Variants in PRKN observed in about 807,000 individuals in gnomAD.
PRKN encodes parkin RBR E3 ubiquitin protein ligase.
Under a neutral mutation model 59.5 loss-of-function variants are expected in PRKN, and 56 were observed. The ratio of observed to expected loss-of-function variants is 0.94; its 90% CI spans 0.76 to 1.18. The LOEUF (loss-of-function observed/expected upper bound fraction) is 1.18, where lower values mean the gene tolerates loss of function less well. PRKN is among the 50% of genes most tolerant of loss of function. The pLI is 0.00. For missense variants in PRKN, 657 were observed against 596.4 expected, an observed-to-expected ratio of 1.10 and a Z score of -1.06; for synonymous variants, 250 against 222.1, an observed-to-expected ratio of 1.13 and a Z score of -1.12.
chr6:162,675,631 TAG>T (rs1045134259), intron 1 of PRKN, among the ~76,000 whole-genome samples: 1 of 152,092 alleles, frequency 6.6e-6, no homozygotes, highest in African/African-American at 2.4e-5. Flanking sequence ...CACTAAAAGA[TAG>T]AGAGAAACAC....
At chr6:161,906,913 C>T (rs1336747191) in intron 6 of PRKN, among the ~76,000 whole-genome samples, 2 of 151,982 alleles carry the variant, frequency 1.3e-5, no homozygotes, top group Non-Finnish European at 2.9e-5. Context: ...AGTCCATCCA[C>T]GCTCTTCTGC....
rs543327582 is a variant in PRKN at position 161,618,511 on chromosome 6, A to C, written c.872-49095T>G. Reference sequence around the variant, plus strand: ...TTCTTTTTCCAGAAAAATACCAAAAAATTAAACTAAAGGTTTATTCTCAGT... The same window carrying C: ...TTCTTTTTCCAGAAAAATACCAAAACATTAAACTAAAGGTTTATTCTCAGT... On this transcript the variant is annotated intron_variant, in intron 7 of 11. Transcript: ENST00000366898. Among the ~76,000 whole-genome samples the C allele has an allele frequency of 1.2e-4, 18 of 152,290 alleles. No individual in the cohort carries two copies. The South Asian group carries it at 1.7e-3, about 14-fold the overall frequency.
At chr6:161,368,262 A>G (rs1785288976) in intron 10 of PRKN, among the ~76,000 whole-genome samples, 1 of 95,708 alleles carries the variant, frequency 1.0e-5, no homozygotes, top group Non-Finnish European at 2.4e-5. Context: ...AAAAATACAT[A>G]TAATATTTAT....
intron 9 of PRKN, among the ~76,000 whole-genome samples, chr6:161,535,438 A>G (rs1384553107): frequency 2.0e-5 from 3 of 152,190 alleles, no homozygotes; most frequent in African/African-American, 4.8e-5. Flanking sequence ...ACTGCACACA[A>G]GTGAATGGTA....
chr6:161,366,818 G>A (rs1413439565), intron 10 of PRKN, among the ~76,000 whole-genome samples: 2 of 152,030 alleles, frequency 1.3e-5, no homozygotes, highest in East Asian at 3.9e-4. Context: ...TTCCCTTTTT[G>A]TCTATAAATT....
At position 161,475,870 on chromosome 6, in the gene PRKN, T is replaced by C. The variant is rs1791040666; in HGVS notation, c.1083+72984A>G. ...TAACTGCATTTTCCTTTCAATCTTA[T>C]ATATTTTATATATTTAAAAATATTA... On this transcript the variant is annotated intron_variant, in intron 9 of 11. Transcript: ENST00000366898. The surrounding 1 kb of genome is among the most constrained non-coding windows in gnomAD (Gnocchi z 5.3). 6.6e-6 allele frequency among the ~76,000 whole-genome samples: 1 copy of C among 152,000 alleles called. No homozygotes were observed. The highest frequency in any genetic ancestry group is 1.5e-5 in the Non-Finnish European group (1 of 68,018).
At chr6:162,151,397 C>T (rs1005582814) in intron 4 of PRKN, among the ~76,000 whole-genome samples, 1 of 152,178 alleles carries the variant, frequency 6.6e-6, no homozygotes, top group Non-Finnish European at 1.5e-5. Flanking sequence ...AAACATATGC[C>T]AGTCTCTTTC....
In PRKN at chr6:161,409,434, T is replaced by A. The variant is rs1487108973; in HGVS notation, c.1084-22557A>T. Among the ~76,000 whole-genome samples the A allele has an allele frequency of 6.6e-6, 1 of 152,162 alleles. No homozygotes were observed. The highest frequency in any genetic ancestry group is 1.5e-5 in the Non-Finnish European group (1 of 68,038). Reference sequence around the variant, plus strand: ...TACCAAATGGCACACAAAAACGCAGTGTGCTGACACTAATACATAAAATGC... The same window carrying A: ...TACCAAATGGCACACAAAAACGCAGAGTGCTGACACTAATACATAAAATGC... On this transcript the variant is annotated intron_variant, in intron 9 of 11. Transcript: ENST00000366898. The surrounding 1 kb of genome is among the most constrained non-coding windows in gnomAD (Gnocchi z 4.6).
At chr6:161,665,904 C>T (rs1414032301) in intron 7 of PRKN, among the ~76,000 whole-genome samples, 4 of 152,074 alleles carry the variant, frequency 2.6e-5, no homozygotes, top group Non-Finnish European at 5.9e-5. Flanking sequence ...TTGTCTTTTC[C>T]AACAGCCTGG....
chr6:161,779,977 A>C (rs1294316883), intron 7 of PRKN, among the ~76,000 whole-genome samples: 1 of 152,208 alleles, frequency 6.6e-6, no homozygotes, highest in Non-Finnish European at 1.5e-5. Flanking sequence ...ACATAGACAC[A>C]AACACAATAT....
chr6:162,510,430 T>C (rs1204930131), intron 1 of PRKN, among the ~76,000 whole-genome samples: 2 of 152,128 alleles, frequency 1.3e-5, no homozygotes, highest in Non-Finnish European at 2.9e-5. Flanking sequence ...CTGGCCACGA[T>C]CAAATCTCTG....
chr6:161,571,125 TG>T lies in PRKN; in HGVS notation c.872-1710del, dbSNP rs1780872274. On this transcript the variant is annotated intron_variant, in intron 7 of 11. Coordinates refer to ENST00000366898, the MANE Select transcript of PRKN (RefSeq NM_004562.3). Reference sequence around the variant, plus strand: ...AGTTTTTTATTTTTTCCTAATTTTTTGTAGAGATGGGGTCTCACTATGCTGT... The same window carrying T: ...AGTTTTTTATTTTTTCCTAATTTTTTTAGAGATGGGGTCTCACTATGCTGT... Among the ~76,000 whole-genome samples the T allele has an allele frequency of 2.6e-5, 4 of 152,158 alleles. 1 individual carries two copies. The South Asian group carries it at 8.3e-4, about 32-fold the overall frequency.
At chr6:162,069,189 G>A (rs909776816) in intron 4 of PRKN, among the ~76,000 whole-genome samples, 2 of 152,056 alleles carry the variant, frequency 1.3e-5, no homozygotes, top group Admixed American at 1.3e-4. Context: ...CATGGGGGCT[G>A]GTCTCTCTCG....
chr6:161,935,575 G>A (rs1433706348), intron 6 of PRKN, among the ~76,000 whole-genome samples: 280 of 146,266 alleles, frequency 1.9e-3, no homozygotes, highest in African/African-American at 6.6e-3. Flanking sequence ...AAAAAAAGAA[G>A]AAGAAGAAGA....
intron 5 of PRKN, among the ~76,000 whole-genome samples, chr6:161,993,844 G>T (rs1018062435): frequency 6.6e-6 from 1 of 152,192 alleles, no homozygotes; most frequent in Non-Finnish European, 1.5e-5. Context: ...AGGAGAAACA[G>T]CATGTGCAGA....
At chr6:161,749,798 G>C (rs764494782) in intron 7 of PRKN, among the ~76,000 whole-genome samples, 1 of 151,946 alleles carries the variant, frequency 6.6e-6, no homozygotes, top group Non-Finnish European at 1.5e-5. Flanking sequence ...TGTGTAGTTG[G>C]AGCCATAAAT....
intron 7 of PRKN, among the ~76,000 whole-genome samples, chr6:161,720,434 T>A (rs1243259738): frequency 6.6e-6 from 1 of 152,140 alleles, no homozygotes; most frequent in Non-Finnish European, 1.5e-5. Flanking sequence ...GCCCCGACAC[T>A]GCAGGGTCTG....
At chr6:161,608,545 T>C (rs570473487) in intron 7 of PRKN, among the ~76,000 whole-genome samples, 1 of 152,154 alleles carries the variant, frequency 6.6e-6, no homozygotes, top group East Asian at 1.9e-4. Context: ...TTAATTTTTT[T>C]TTTTTTAGAC....
At chr6:161,860,298 C>T (rs1184911799) in intron 6 of PRKN, among the ~76,000 whole-genome samples, 2 of 152,144 alleles carry the variant, frequency 1.3e-5, no homozygotes, top group African/African-American at 4.8e-5. Context: ...CTGTGAAGCA[C>T]CTCCATTCAA....
Sources: gnomAD v4.1 joint callset for allele counts (sites outside exome capture counted in the v4.1 genomes callset) on GRCh38, gnomAD v4.1.1 for gene constraint, Gnocchi (gnomAD v3.1) non-coding constraint, MANE v1.5 for transcripts, NCBI Gene and HGNC (gene_info 2026-07-23, HGNC 2026-07-21) for gene names.